Variants in SLC17A1 observed in about 807,000 individuals in gnomAD.
SLC17A1 encodes solute carrier family 17 member 1.
In SLC17A1, 51 loss-of-function variants were observed where a neutral mutation model predicts 53.5. That is an observed-to-expected ratio of 0.95 (90% CI 0.76 to 1.20). The LOEUF (loss-of-function observed/expected upper bound fraction) is 1.20, where lower values mean the gene tolerates loss of function less well. Ranked by LOEUF, SLC17A1 falls within the 50% of genes most tolerant of loss-of-function variation. SLC17A1 has a pLI of 0.00. For synonymous variants in SLC17A1, 179 were observed against 198.8 expected (o/e 0.90, Z 0.84); for missense variants, 538 against 568.2 (o/e 0.95, Z 0.54).
chr6:25,775,067 T>C, the SLC17A1 span, among the ~76,000 whole-genome samples: 4 of 152,138 alleles, frequency 2.6e-5, no homozygotes, highest in African/African-American at 9.7e-5. Context: ...TGGTGGCTCA[T>C]GCCTATAATC....
intron 6 of SLC17A1, among the ~76,000 whole-genome samples, chr6:25,816,274 T>C (rs1185941237): frequency 1.3e-5 from 2 of 152,250 alleles, no homozygotes; most frequent in Non-Finnish European, 2.9e-5. Flanking sequence ...AATGGATATA[T>C]GTGGAAACTC....
the SLC17A1 span, chr6:25,776,549 G>A: frequency 1.4e-5 from 22 of 1,549,856 alleles, no homozygotes; most frequent in Non-Finnish European, 1.9e-5. Context: ...GTGTCGTGGT[G>A]GGGGTGGTAA....
At chr6:25,752,857 CAGG>C in the SLC17A1 span, among the ~76,000 whole-genome samples, 1 of 151,700 alleles carries the variant, frequency 6.6e-6, no homozygotes, top group African/African-American at 2.4e-5. Flanking sequence ...GAGGCTGAGG[CAGG>C]AGAATGGCGT....
chr6:25,777,078 C>G, the SLC17A1 span: 7 of 1,069,656 alleles, frequency 6.5e-6, no homozygotes, highest in Non-Finnish European at 8.1e-6. Context: ...AATGTCAGCA[C>G]CAGCTCTACA....
intron 12 of SLC17A1, among the ~76,000 whole-genome samples, chr6:25,791,472 T>C (rs560537855): frequency 1.2e-4 from 19 of 152,340 alleles, no homozygotes; most frequent in Non-Finnish European, 2.2e-4. Context: ...TATACAGAGA[T>C]TCCTTTTACT....
chr6:25,728,817 CACAA>C, the SLC17A1 span, among the ~76,000 whole-genome samples: 1 of 152,092 alleles, frequency 6.6e-6, no homozygotes, highest in Admixed American at 6.6e-5. Context: ...CCGTCTCAAA[CACAA>C]ACAAAAAAAT....
the SLC17A1 span, among the ~76,000 whole-genome samples, chr6:25,775,834 G>T: frequency 6.6e-6 from 1 of 152,100 alleles, no homozygotes; most frequent in Non-Finnish European, 1.5e-5. Flanking sequence ...AGTATACTTA[G>T]TAATATGCCG....
At chr6:25,814,721 C>T (rs534797442) in intron 6 of SLC17A1, among the ~76,000 whole-genome samples, 18 of 152,226 alleles carry the variant, frequency 1.2e-4, no homozygotes, top group Admixed American at 9.2e-4. Context: ...TGGTGGCTCA[C>T]GCCTGTAATC....
chr6:25,732,658 GACCC>G, the SLC17A1 span: 1 of 1,331,454 alleles, frequency 7.5e-7, no homozygotes, highest in African/African-American at 1.5e-5. Context: ...ACAAGAAGAA[GACCC>G]GCATCATCCC....
the SLC17A1 span, among the ~76,000 whole-genome samples, chr6:25,768,827 C>G: frequency 6.6e-6 from 1 of 152,170 alleles, no homozygotes; most frequent in Non-Finnish European, 1.5e-5. Context: ...CCATTACCTC[C>G]CAGGGGAACA....
chr6:25,731,950 C>A, the SLC17A1 span: 33 of 1,598,588 alleles, frequency 2.1e-5, no homozygotes, highest in South Asian at 3.3e-5. Context: ...GCAATGCGCT[C>A]AAAAATGTCA....
intron 6 of SLC17A1, among the ~76,000 whole-genome samples, chr6:25,815,627 G>GCTTC (rs1289800998): frequency 6.6e-6 from 1 of 151,858 alleles, no homozygotes; most frequent in African/African-American, 2.4e-5. Context: ...CTAACTACGT[G>GCTTC]CTTCAAGACA....
At chr6:25,793,590 C>T (rs984118442) in intron 12 of SLC17A1, among the ~76,000 whole-genome samples, 3 of 152,102 alleles carry the variant, frequency 2.0e-5, no homozygotes, top group Non-Finnish European at 4.4e-5. Flanking sequence ...AAATGTGAAG[C>T]TCTTTTAGGC....
the SLC17A1 span, chr6:25,770,183 G>A: frequency 6.2e-7 from 1 of 1,614,152 alleles, no homozygotes; most frequent in Admixed American, 1.7e-5. Flanking sequence ...TTGGAGCCAA[G>A]TATGTGGTTG....
At chr6:25,817,796 A>C (rs1191650657) in intron 6 of SLC17A1, among the ~76,000 whole-genome samples, 2 of 152,208 alleles carry the variant, frequency 1.3e-5, no homozygotes, top group African/African-American at 4.8e-5. Context: ...TTATTTATAT[A>C]AAGTCCTACA....
At chr6:25,762,174 C>G in the SLC17A1 span, 1 of 753,070 alleles carries the variant, frequency 1.3e-6, no homozygotes, top group East Asian at 2.8e-5. Flanking sequence ...ATTTTCCTTG[C>G]TACCACCAAT....
At chr6:25,815,840 T>C (rs1764332494) in intron 6 of SLC17A1, among the ~76,000 whole-genome samples, 1 of 151,994 alleles carries the variant, frequency 6.6e-6, no homozygotes, top group African/African-American at 2.4e-5. Flanking sequence ...AACTGTGCAG[T>C]AGATAACTGC....
the SLC17A1 span, chr6:25,768,840 A>G: frequency 1.3e-6 from 1 of 760,624 alleles, no homozygotes; most frequent in Non-Finnish European, 2.1e-6. Context: ...GGGGAACAAA[A>G]TTCCACTACA....
chr6:25,771,162 A>C, the SLC17A1 span: 1 of 669,118 alleles, frequency 1.5e-6, no homozygotes. Context: ...TTTAAGTTTC[A>C]GCAGCCCGAG....
Sources: gnomAD v4.1 joint callset for allele counts (sites outside exome capture counted in the v4.1 genomes callset) on GRCh38, gnomAD v4.1.1 for gene constraint, MANE v1.5 for transcripts, NCBI Gene and HGNC (gene_info 2026-07-23, HGNC 2026-07-21) for gene names.